PTPRE: variants seen among roughly 807,000 people sequenced by gnomAD.
PTPRE encodes the protein protein tyrosine phosphatase receptor type E.
Under a neutral mutation model 102.0 loss-of-function variants are expected in PTPRE, and 51 were observed. The observed-to-expected ratio is 0.50, with a 90% CI of 0.40 to 0.63. The LOEUF (loss-of-function observed/expected upper bound fraction) is 0.63, where lower values mean the gene tolerates loss of function less well. Among genes scored for constraint, PTPRE ranks in the 30% least tolerant of loss-of-function variants. The pLI, the probability that PTPRE is intolerant of heterozygous loss-of-function variation, is 0.00. For missense variants in PTPRE, 752 were observed against 915.1 expected (o/e 0.82, Z 2.30); for synonymous variants, 345 against 348.2 (o/e 0.99, Z 0.10).
At chr10:127,948,970 G>A (rs925372509) in intron 1 of PTPRE, among the ~76,000 whole-genome samples, 3 of 152,238 alleles carry the variant, frequency 2.0e-5, no homozygotes, top group East Asian at 3.8e-4. Context: ...TGACTGTGTC[G>A]ATCTGTCTGC....
intron 2 of PTPRE, among the ~76,000 whole-genome samples, chr10:127,989,525 G>A (rs1852422056): frequency 6.6e-6 from 1 of 152,234 alleles, no homozygotes; most frequent in African/African-American, 2.4e-5. Flanking sequence ...GGCTGGATAA[G>A]TGAGTTGTAG....
chr10:128,049,273 C>T (rs1416051921), intron 5 of PTPRE, among the ~76,000 whole-genome samples: 3 of 152,064 alleles, frequency 2.0e-5, no homozygotes, highest in Non-Finnish European at 4.4e-5. Flanking sequence ...GGGGGACAGG[C>T]TGTCTCCAAT....
chr10:127,924,935 C>T (rs889742052), intron 1 of PTPRE, among the ~76,000 whole-genome samples: 1 of 152,198 alleles, frequency 6.6e-6, no homozygotes, highest in Non-Finnish European at 1.5e-5. Flanking sequence ...TGTGGAGCTC[C>T]CTGGGATACT....
At chr10:128,003,943 G>T (rs940482876) in intron 2 of PTPRE, among the ~76,000 whole-genome samples, 1 of 149,738 alleles carries the variant, frequency 6.7e-6, no homozygotes, top group Non-Finnish European at 1.5e-5. Context: ...CCACCCCAGC[G>T]CGTCTGCCAG....
At chr10:127,931,182 C>G (rs1050976720) in intron 1 of PTPRE, among the ~76,000 whole-genome samples, 3 of 152,154 alleles carry the variant, frequency 2.0e-5, no homozygotes, top group African/African-American at 7.2e-5. Context: ...TCCCTAGTGA[C>G]TCACAGTGTC....
intron 20 of PTPRE, among the ~76,000 whole-genome samples, chr10:128,080,147 C>A (rs903398090): frequency 6.6e-6 from 1 of 152,172 alleles, no homozygotes; most frequent in African/African-American, 2.4e-5. Context: ...CTCAAGATAC[C>A]GTCCACGGGC....
chr10:127,987,580 A>G (rs1019556759), intron 2 of PTPRE, among the ~76,000 whole-genome samples: 3 of 152,148 alleles, frequency 2.0e-5, no homozygotes, highest in African/African-American at 7.2e-5. Context: ...TCTGGGATCT[A>G]TGCTTCAGGA....
chr10:128,047,508 A>T lies in PTPRE; in HGVS notation c.209+19A>T. The stretch of plus-strand genomic sequence containing the variant: ...TCTTCAGGTAGGAGTGTCCCGGGGC[A>T]CTGACTTGCCCCAACCAGCTCAGAG... On this transcript the variant is annotated intron_variant, in intron 4 of 20. Coordinates refer to ENST00000254667, the MANE Select transcript of PTPRE (RefSeq NM_006504.6). 6.2e-7 allele frequency: 1 copy of T among 1,612,934 alleles called. No homozygotes were observed. The highest frequency in any genetic ancestry group is 1.7e-5 in the Admixed American group (1 of 59,994).
intron 11 of PTPRE, among the ~76,000 whole-genome samples, chr10:128,067,270 G>GCA (rs374992947): frequency 7.2e-6 from 1 of 138,074 alleles, no homozygotes; most frequent in African/African-American, 2.7e-5. Flanking sequence ...GCATACATGT[G>GCA]CACACACACG....
chr10:127,990,506 A>G (rs972935413), intron 2 of PTPRE, among the ~76,000 whole-genome samples: 1 of 152,100 alleles, frequency 6.6e-6, no homozygotes, highest in Admixed American at 6.6e-5. Flanking sequence ...TTCTTGGTCT[A>G]AAACATAAAG....
chr10:128,063,724 A>G (rs568369829), intron 10 of PTPRE, among the ~76,000 whole-genome samples: 4 of 152,336 alleles, frequency 2.6e-5, no homozygotes, highest in Non-Finnish European at 4.4e-5. Flanking sequence ...TTCGTTTCCT[A>G]ATGTAACAAG....
chr10:128,059,512 A>G (rs1849326798), intron 7 of PTPRE, among the ~76,000 whole-genome samples: 1 of 152,166 alleles, frequency 6.6e-6, no homozygotes, highest in African/African-American at 2.4e-5. Flanking sequence ...CCACAAACAC[A>G]ACCCACCCTG....
chr10:128,029,637 G>A (rs1356424622), intron 2 of PTPRE, among the ~76,000 whole-genome samples: 1 of 152,242 alleles, frequency 6.6e-6, no homozygotes, highest in African/African-American at 2.4e-5. Flanking sequence ...AGAAGCTTTA[G>A]TCTATTTCTG....
chr10:128,070,705 C>T lies in PTPRE; in HGVS notation c.1294-103C>T. ...GGCTTCCTGGGTTGGAGAGTGGTTT[C>T]CTTTGAGCAGGCGTCCTTGCCAGCA... On this transcript the variant is annotated intron_variant, in intron 14 of 20. Coordinates refer to ENST00000254667, the MANE Select transcript of PTPRE (RefSeq NM_006504.6). This position sits in a 1 kb window ranked among gnomAD's most constrained non-coding sequence, Gnocchi z 4.8. 7.5e-7 allele frequency: 1 copy of T among 1,332,134 alleles called. No homozygotes were observed. The highest frequency in any genetic ancestry group is 1.3e-5 in the South Asian group (1 of 75,020). The allele number at this position is 1,332,134 out of a possible 1,614,324, so 82.5% of individuals were successfully genotyped here.
chr10:127,993,788 C>CGT (rs1238379937), intron 2 of PTPRE, among the ~76,000 whole-genome samples: 5 of 70,026 alleles, frequency 7.1e-5, no homozygotes, highest in East Asian at 3.7e-4. Context: ...TGTGTGTGTG[C>CGT]GTGTGTGTGT....
rs1053269403 is a variant in PTPRE at position 128,068,384 on chromosome 10, G to A, written c.1007+98G>A. On this transcript the variant is annotated intron_variant, in intron 12 of 20. Transcript: ENST00000254667. The stretch of plus-strand genomic sequence containing the variant: ...TGCCAGGGGACCAATATCAGGGTGG[G>A]CAGAGGTTTGGGCAGGGCTGATGTG... The A allele has an allele frequency of 2.1e-6, 3 of 1,407,908 alleles. No individual in the cohort carries two copies. The African/African-American group carries it at 4.3e-5, about 20-fold the overall frequency. 87.2% of individuals were successfully genotyped at this position (1,407,908 alleles called of 1,614,324 possible). A position where few individuals can be genotyped will look rare whatever the true frequency, so the allele number is the denominator to read the frequency against.
chr10:128,070,156 C>T lies in PTPRE; in HGVS notation c.1144-145C>T, dbSNP rs1004179515. ...GGCATAAATGGTCGTTATCCGTGGC[C>T]GGTACTCTGACTCTTGCCTCACACC... On this transcript the variant is annotated intron_variant, in intron 13 of 20. Coordinates refer to ENST00000254667, the MANE Select transcript of PTPRE (RefSeq NM_006504.6). The surrounding 1 kb of genome is among the most constrained non-coding windows in gnomAD (Gnocchi z 4.8). The T allele has an allele frequency of 6.2e-5, 60 of 964,454 alleles. No individual in the cohort carries two copies. Among genetic ancestry groups the T allele is most frequent in the Non-Finnish European group, 5.5e-5 (36 of 657,232 alleles). The allele number at this position is 964,454 out of a possible 1,614,324, so 59.7% of individuals were successfully genotyped here.
chr10:128,067,438 TCACACATG>T (rs1178351414), intron 11 of PTPRE, among the ~76,000 whole-genome samples: 1 of 143,958 alleles, frequency 6.9e-6, no homozygotes, highest in East Asian at 2.2e-4. Flanking sequence ...GCACCCACAT[TCACACATG>T]CACACACATG....
At chr10:127,930,937 C>T (rs972944685) in intron 1 of PTPRE, among the ~76,000 whole-genome samples, 5 of 151,880 alleles carry the variant, frequency 3.3e-5, no homozygotes, top group Non-Finnish European at 5.9e-5. Context: ...GGATTACGAG[C>T]GCGTGCCACC....
Sources: allele counts gnomAD v4.1 joint callset (sites outside exome capture counted in the v4.1 genomes callset), GRCh38; gene constraint gnomAD v4.1.1; non-coding constraint Gnocchi (gnomAD v3.1); transcripts MANE v1.5; gene names NCBI Gene and HGNC (gene_info 2026-07-23, HGNC 2026-07-21).